KCTD16: variants seen among roughly 807,000 people sequenced by gnomAD.
KCTD16 encodes the protein potassium channel tetramerization domain containing 16.
KCTD16 carries 13 observed loss-of-function variants against 33.2 expected under a neutral mutation model. The ratio of observed to expected loss-of-function variants is 0.39; its 90% CI spans 0.25 to 0.62. KCTD16 has a LOEUF of 0.62. Ranked by LOEUF, KCTD16 falls within the 20% of genes least tolerant of loss-of-function variation. The pLI is 0.50. For synonymous variants in KCTD16, 197 were observed against 195.3 expected, an observed-to-expected ratio of 1.01 and a Z score of -0.07; for missense variants, 441 against 525.1, an observed-to-expected ratio of 0.84 and a Z score of 1.57.
chr5:144,183,535 G>A (rs1752667409), intron 2 of KCTD16, among the ~76,000 whole-genome samples: 2 of 151,754 alleles, frequency 1.3e-5, no homozygotes, highest in South Asian at 2.1e-4. Flanking sequence ...TTCAAATCTT[G>A]TGGAATATAA....
At chr5:144,424,208 A>G (rs1293673888) in intron 3 of KCTD16, among the ~76,000 whole-genome samples, 1 of 152,192 alleles carries the variant, frequency 6.6e-6, no homozygotes, top group Non-Finnish European at 1.5e-5. Flanking sequence ...TAATGCCCTA[A>G]AACCTGCTCT....
chr5:144,243,920 A>G (rs1200773509), intron 3 of KCTD16, among the ~76,000 whole-genome samples: 1 of 151,668 alleles, frequency 6.6e-6, no homozygotes, highest in Non-Finnish European at 1.5e-5. Flanking sequence ...ATTTTTTTGT[A>G]TTTTAGTAGA....
intron 3 of KCTD16, among the ~76,000 whole-genome samples, chr5:144,213,565 T>C (rs1753467526): frequency 6.6e-6 from 1 of 152,132 alleles, no homozygotes; most frequent in Non-Finnish European, 1.5e-5. Flanking sequence ...AATCCTTATG[T>C]TTTTGGTAAG....
intron 3 of KCTD16, among the ~76,000 whole-genome samples, chr5:144,440,769 T>G (rs1019214585): frequency 1.3e-5 from 2 of 152,140 alleles, no homozygotes; most frequent in Admixed American, 1.3e-4. Context: ...TACTTTAAGT[T>G]CTAGGGTACA....
chr5:144,206,394 C>T lies in KCTD16; in HGVS notation c.-321C>T, dbSNP rs1268710917. 2 of 255,088 alleles carry T rather than the reference C, an allele frequency of 7.8e-6. No homozygotes were observed. Among genetic ancestry groups the T allele is most frequent in the African/African-American group, 2.2e-5 (1 of 45,134 alleles). 15.8% of individuals were successfully genotyped at this position (255,088 alleles called of 1,614,324 possible). The stretch of plus-strand genomic sequence containing the variant: ...TTTTTTCTCTTTTCCTTCAGACGGA[C>T]ATCTGAGTAACTGGGGAATTGGCCT... On this transcript the variant is annotated 5_prime_UTR_variant, in exon 3 of 4. Coordinates refer to ENST00000512467, the MANE Select transcript of KCTD16 (RefSeq NM_020768.4).
At chr5:144,224,376 A>G (rs1428128244) in intron 3 of KCTD16, among the ~76,000 whole-genome samples, 1 of 134,620 alleles carries the variant, frequency 7.4e-6, no homozygotes, top group Non-Finnish European at 1.5e-5. Context: ...TTGGATCAAT[A>G]TAATGTGTTT....
chr5:144,333,741 G>A (rs942763333), intron 3 of KCTD16, among the ~76,000 whole-genome samples: 2 of 152,156 alleles, frequency 1.3e-5, no homozygotes, highest in African/African-American at 2.4e-5. Context: ...GTGAAAGCAA[G>A]CCTCAAGATG....
chr5:144,445,062 C>T (rs918686073), intron 3 of KCTD16, among the ~76,000 whole-genome samples: 1 of 151,398 alleles, frequency 6.6e-6, no homozygotes, highest in African/African-American at 2.4e-5. Flanking sequence ...TCCCTTGCCT[C>T]ATTTTTTCTT....
At chr5:144,370,011 T>G (rs535590311) in intron 3 of KCTD16, among the ~76,000 whole-genome samples, 1 of 152,214 alleles carries the variant, frequency 6.6e-6, no homozygotes, top group East Asian at 1.9e-4. Flanking sequence ...TTAAAATACT[T>G]AACACTAAGT....
chr5:144,437,149 C>T (rs142628435), intron 3 of KCTD16, among the ~76,000 whole-genome samples: 37 of 152,216 alleles, frequency 2.4e-4, no homozygotes, highest in African/African-American at 7.9e-4. Flanking sequence ...TCAGGTGTCC[C>T]GGCTGCTGTC....
chr5:144,322,735 A>C (rs900894050), intron 3 of KCTD16, among the ~76,000 whole-genome samples: 1 of 152,012 alleles, frequency 6.6e-6, no homozygotes, highest in Non-Finnish European at 1.5e-5. Context: ...ATTAAAAAAA[A>C]AAAAAACAAA....
intron 3 of KCTD16, among the ~76,000 whole-genome samples, chr5:144,230,513 C>G (rs1754070576): frequency 6.6e-6 from 1 of 151,962 alleles, no homozygotes; most frequent in Non-Finnish European, 1.5e-5. Context: ...TAGGAAAGAA[C>G]AAATGCATGG....
chr5:144,249,026 T>C (rs1308801471), intron 3 of KCTD16, among the ~76,000 whole-genome samples: 1 of 152,200 alleles, frequency 6.6e-6, no homozygotes, highest in Admixed American at 6.5e-5. Context: ...TCCTTAAAGC[T>C]ATCCAATGGC....
chr5:144,219,872 G>C (rs1753687149), intron 3 of KCTD16, among the ~76,000 whole-genome samples: 1 of 152,108 alleles, frequency 6.6e-6, no homozygotes, highest in Non-Finnish European at 1.5e-5. Flanking sequence ...CCCAGCAGGA[G>C]AAACTGAGAG....
At chr5:144,240,128 G>A (rs377377727) in intron 3 of KCTD16, among the ~76,000 whole-genome samples, 2 of 152,078 alleles carry the variant, frequency 1.3e-5, no homozygotes, top group African/African-American at 2.4e-5. Flanking sequence ...CATCAGACAC[G>A]TAGCTAATAA....
intron 3 of KCTD16, among the ~76,000 whole-genome samples, chr5:144,327,339 G>A (rs753632368): frequency 1.3e-5 from 2 of 151,784 alleles, no homozygotes; most frequent in African/African-American, 2.4e-5. Context: ...TTCTAGAATA[G>A]CTTTGTGCCT....
At chr5:144,243,821 G>A (rs1376149169) in intron 3 of KCTD16, among the ~76,000 whole-genome samples, 1 of 152,070 alleles carries the variant, frequency 6.6e-6, no homozygotes, top group East Asian at 1.9e-4. Context: ...TTGGCTCACT[G>A]CAACCTCCGC....
At chr5:144,451,185 C>T (rs1053061729) in intron 3 of KCTD16, among the ~76,000 whole-genome samples, 1 of 152,080 alleles carries the variant, frequency 6.6e-6, no homozygotes, top group African/African-American at 2.4e-5. Flanking sequence ...AAGCTGGAGT[C>T]TCTCAGAACA....
intron 3 of KCTD16, among the ~76,000 whole-genome samples, chr5:144,392,740 G>T (rs976933710): frequency 3.9e-5 from 6 of 152,148 alleles, no homozygotes; most frequent in Non-Finnish European, 8.8e-5. Context: ...GAAATAACTT[G>T]TATTACTTCT....
Sources: allele counts gnomAD v4.1 joint callset (sites outside exome capture counted in the v4.1 genomes callset), GRCh38; gene constraint gnomAD v4.1.1; transcripts MANE v1.5; gene names NCBI Gene and HGNC (gene_info 2026-07-23, HGNC 2026-07-21).